The following RB1CC1 variants were observed in gnomAD, a reference collection of about 807,000 sequenced individuals.
RB1CC1 encodes RB1 inducible coiled-coil 1, also known as RB1-inducible coiled-coil protein 1.
Under a neutral mutation model 177.5 loss-of-function variants are expected in RB1CC1, and 46 were observed. That is an observed-to-expected ratio of 0.26 (90% CI 0.20 to 0.33). The LOEUF is 0.33. Ranked by LOEUF, RB1CC1 falls within the 10% of genes least tolerant of loss-of-function variation. The pLI is 1.00. For synonymous variants in RB1CC1, 666 were observed against 613.6 expected (o/e 1.09, Z -1.26); for missense variants, 1,703 against 1,816.3 (o/e 0.94, Z 1.13).
rs570010414 is a variant in RB1CC1 at position 52,631,659 on chromosome 8, G to A, written c.4441-1131C>T. 4.6e-5 allele frequency among the ~76,000 whole-genome samples: 7 copies of A among 152,152 alleles called. No individual in the cohort carries two copies. The South Asian group carries it at 1.5e-3, about 32-fold the overall frequency. On this transcript the variant is annotated intron_variant, in intron 20 of 23. Transcript: ENST00000025008. ...TGTAATCATTTATCATGACCTACAC[G>A]GCCAACATTGGTCCAAACTACCTTT... is the stretch of plus-strand genomic sequence containing the variant.
intron 7 of RB1CC1, among the ~76,000 whole-genome samples, chr8:52,668,803 C>T (rs1408965419): frequency 2.6e-5 from 4 of 152,170 alleles, no homozygotes; most frequent in Non-Finnish European, 5.9e-5. Context: ...ACTGCTCAGC[C>T]AAAAACTACC....
intron 18 of RB1CC1, 74 bp downstream of exon 18, chr8:52,642,276 AT>A: frequency 1.3e-6 from 2 of 1,514,712 alleles, no homozygotes; most frequent in Non-Finnish European, 1.8e-6. Context: ...TGCTAAAAAT[AT>A]TTCCTCTCTT....
intron 5 of RB1CC1, among the ~76,000 whole-genome samples, chr8:52,677,851 A>C (rs897483155): frequency 6.6e-6 from 1 of 152,238 alleles, no homozygotes; most frequent in Admixed American, 6.5e-5. Flanking sequence ...TTTTTTAAAC[A>C]GATGAAAGAG....
rs766608927 is a variant in RB1CC1, at chr8:52,628,107, A to G, written c.4561T>C (p.Phe1521Leu). 6.2e-7 allele frequency: 1 copy of G among 1,606,808 alleles called. No individual in the cohort carries two copies. The highest frequency in any genetic ancestry group is 8.5e-7 in the Non-Finnish European group (1 of 1,174,188). The change falls in exon 22 of 24, where the codon TTT (phenylalanine) becomes CTT (leucine). Residue 1521 changes from phenylalanine to leucine, a missense_variant. Physicochemically the swap from Phe to Leu is conservative, Grantham distance 22 (BLOSUM62 0). This residue lies in a region of RB1CC1 where 70 missense variants were observed against 118.0 expected (regional missense o/e 0.59). Coordinates refer to ENST00000025008, the MANE Select transcript of RB1CC1 (RefSeq NM_014781.5). ...AAATATAAAGTAGGACTAACAGTAA[A>G]TAACACATAATTGTCATGGCGTTCG... ...LDERHDNYVL[F>L]TVSPTLYFLH... is the part of the protein sequence containing the mutation.
intron 20 of RB1CC1, among the ~76,000 whole-genome samples, chr8:52,630,837 C>A (rs1848700752): frequency 6.6e-6 from 1 of 152,118 alleles, no homozygotes; most frequent in African/African-American, 2.4e-5. Flanking sequence ...GATTCAAAAT[C>A]TTTCATTTTG....
intron 5 of RB1CC1, among the ~76,000 whole-genome samples, chr8:52,678,356 A>AC (rs1853343134): frequency 6.6e-6 from 1 of 152,154 alleles, no homozygotes; most frequent in Non-Finnish European, 1.5e-5. Flanking sequence ...GGCAGAGGTT[A>AC]CAGTGAGCCA....
intron 1 of RB1CC1, among the ~76,000 whole-genome samples, chr8:52,699,308 G>A (rs554872113): frequency 1.3e-5 from 2 of 152,268 alleles, no homozygotes; most frequent in South Asian, 2.1e-4. Flanking sequence ...CAAAAGTAGA[G>A]ATAACATCTT....
chr8:52,681,976 G>A (rs1853783336), intron 5 of RB1CC1, among the ~76,000 whole-genome samples: 1 of 152,178 alleles, frequency 6.6e-6, no homozygotes, highest in Non-Finnish European at 1.5e-5. Context: ...GCACTCCCTA[G>A]TGGAGCTCTG....
In RB1CC1 at chr8:52,656,229, T is replaced by C; in HGVS notation, c.3600A>G (p.Gln1200=). The stretch of plus-strand genomic sequence containing the variant: ...TAATAGCTTCGTATTTCTCTTCTTG[T>C]TGGGTAATTTTTTCATCTTTTTGTC... ...LERQKDEKIT[Q]QEEKYEAIIQ... is the part of the protein sequence containing the mutation. Residue 1200 remains glutamine, a synonymous_variant, in exon 15 of 24, where the codon CAA becomes CAG. Coordinates refer to ENST00000025008, the MANE Select transcript of RB1CC1 (RefSeq NM_014781.5). 6.2e-7 allele frequency: 1 copy of C among 1,613,386 alleles called. No homozygotes were observed. The highest frequency in any genetic ancestry group is 8.5e-7 in the Non-Finnish European group (1 of 1,179,820).
At chr8:52,683,769 C>T (rs755081049) in intron 4 of RB1CC1, 50 bp from the exon 5 acceptor site, 1 of 1,558,292 alleles carries the variant, frequency 6.4e-7, no homozygotes, top group Non-Finnish European at 8.7e-7. Flanking sequence ...GTTATAAATA[C>T]TGAGCGTGCA....
chr8:52,713,275 G>A (rs560896795), intron 1 of RB1CC1, among the ~76,000 whole-genome samples: 2 of 152,138 alleles, frequency 1.3e-5, no homozygotes, highest in African/African-American at 4.8e-5. Context: ...TTCAAGGTAT[G>A]ACCACACTTT....
chr8:52,680,632 C>T (rs1853605800), intron 5 of RB1CC1, among the ~76,000 whole-genome samples: 1 of 152,070 alleles, frequency 6.6e-6, no homozygotes, highest in African/African-American at 2.4e-5. Context: ...TAGTTGAACA[C>T]TGGAAACAAT....
intron 18 of RB1CC1, among the ~76,000 whole-genome samples, chr8:52,636,643 T>C (rs779814431): frequency 2.0e-5 from 3 of 152,242 alleles, no homozygotes; most frequent in Non-Finnish European, 2.9e-5. Context: ...TTCTTCAACA[T>C]GCTACTTCTT....
intron 3 of RB1CC1, 132 bp downstream of exon 3, chr8:52,685,267 G>A: frequency 1.6e-6 from 1 of 627,100 alleles, no homozygotes; most frequent in Non-Finnish European, 2.8e-6. Flanking sequence ...GCCTCCCAAA[G>A]TGCTGGGATT....
chr8:52,657,522 G>A lies in RB1CC1; in HGVS notation c.2307C>T (p.Ile769=). 1.2e-6 allele frequency: 2 copies of A among 1,613,928 alleles called. No homozygotes were observed. Among genetic ancestry groups the A allele is most frequent in the Middle Eastern group, 1.6e-4 (1 of 6,062 alleles). Residue 769 remains isoleucine, a synonymous_variant, in exon 15 of 24, where the codon ATC becomes ATT. Transcript: ENST00000025008. The part of the protein sequence containing the change: ...MMVESLYSSV[I]NAIDSRRMQD... ...GCATTCGTCTACTGTCTATCGCATTGATAACTGATGAATAAAGTGATTCCA... is the reference window on the plus strand; with the variant it reads ...GCATTCGTCTACTGTCTATCGCATTAATAACTGATGAATAAAGTGATTCCA...
At position 52,657,078 on chromosome 8, in the gene RB1CC1, T is replaced by C. The variant is rs761431126; in HGVS notation, c.2751A>G (p.Lys917=). ...GGCAGATTACAGCTTCTTTTTCATG[T>C]TTAACCAAAGCAAATTCATTATCTT... The part of the protein sequence containing the change: ...QNKDNEFALV[K]HEKEAVICLQ... Residue 917 remains lysine, a synonymous_variant, in exon 15 of 24, where the codon AAA becomes AAG. Coordinates refer to ENST00000025008, the MANE Select transcript of RB1CC1 (RefSeq NM_014781.5). The C allele has an allele frequency of 6.2e-7, 1 of 1,611,764 alleles. No individual in the cohort carries two copies. The highest frequency in any genetic ancestry group is 2.2e-5 in the East Asian group (1 of 44,838).
intron 16 of RB1CC1, among the ~76,000 whole-genome samples, chr8:52,643,542 A>T (rs994276478): frequency 5.3e-5 from 8 of 151,690 alleles, no homozygotes; most frequent in African/African-American, 1.7e-4. Context: ...TACAAAAATT[A>T]TCTGGGTGTG....
intron 1 of RB1CC1, among the ~76,000 whole-genome samples, chr8:52,697,722 T>A (rs1855567841): frequency 6.6e-6 from 1 of 152,240 alleles, no homozygotes; most frequent in Non-Finnish European, 1.5e-5. Context: ...ACATTCTCTC[T>A]ACTTTTGTAT....
At chr8:52,691,959 A>G (rs1854905369) in intron 1 of RB1CC1, among the ~76,000 whole-genome samples, 1 of 152,178 alleles carries the variant, frequency 6.6e-6, no homozygotes. Context: ...ATTGTATACC[A>G]CTCATAATGC....
Sources: allele counts gnomAD v4.1 joint callset (sites outside exome capture counted in the v4.1 genomes callset), GRCh38; gene constraint gnomAD v4.1.1; regional missense constraint gnomAD v4.1.1; transcripts MANE v1.5; gene names NCBI Gene and HGNC (gene_info 2026-07-23, HGNC 2026-07-21).